PNLIPRP3: variants seen among roughly 807,000 people sequenced by gnomAD.
PNLIPRP3 encodes the protein pancreatic lipase-related protein 3.
In PNLIPRP3, 58 loss-of-function variants were observed where a neutral mutation model predicts 52.8. That is an observed-to-expected ratio of 1.10 (90% CI 0.89 to 1.37). The LOEUF (loss-of-function observed/expected upper bound fraction) is 1.37, where lower values mean the gene tolerates loss of function less well. Ranked by LOEUF, PNLIPRP3 falls within the 40% of genes most tolerant of loss-of-function variation. The pLI, the probability that PNLIPRP3 is intolerant of heterozygous loss-of-function variation, is 0.00. For synonymous variants in PNLIPRP3, 192 were observed against 185.0 expected (o/e 1.04, Z -0.31); for missense variants, 593 against 561.6 (o/e 1.06, Z -0.57).
At chr10:116,470,786 G>A (rs1846357384) in intron 9 of PNLIPRP3, among the ~76,000 whole-genome samples, 1 of 152,146 alleles carries the variant, frequency 6.6e-6, no homozygotes, top group South Asian at 2.1e-4. Flanking sequence ...GGGATTACAG[G>A]CGTGAGGCCC....
chr10:116,451,041 A>C (rs1314601280), intron 4 of PNLIPRP3, among the ~76,000 whole-genome samples: 1 of 152,158 alleles, frequency 6.6e-6, no homozygotes, highest in African/African-American at 2.4e-5. Flanking sequence ...TGATTTCAAA[A>C]TTTATTATGA....
intron 3 of PNLIPRP3, among the ~76,000 whole-genome samples, chr10:116,443,999 G>A (rs1427736375): frequency 6.6e-6 from 1 of 151,726 alleles, no homozygotes; most frequent in East Asian, 2.0e-4. Flanking sequence ...TTGACTCACA[G>A]TTCAGCATAG....
At chr10:116,433,324 TTTCTC>T (rs1252126054) in intron 1 of PNLIPRP3, among the ~76,000 whole-genome samples, 2 of 151,848 alleles carry the variant, frequency 1.3e-5, no homozygotes, top group African/African-American at 4.8e-5. Flanking sequence ...AGGAAGCAAA[TTTCTC>T]TACTCTTTGA....
At chr10:116,461,659 T>C (rs1265335418) in intron 7 of PNLIPRP3, among the ~76,000 whole-genome samples, 1 of 152,214 alleles carries the variant, frequency 6.6e-6, no homozygotes, top group African/African-American at 2.4e-5. Context: ...ATGGAGTTCA[T>C]TTTCTAACTT....
At chr10:116,461,315 G>T (rs1711762932) in intron 7 of PNLIPRP3, 25 bp downstream of exon 7, 2 of 1,603,278 alleles carry the variant, frequency 1.2e-6, no homozygotes, top group Non-Finnish European at 1.7e-6. Context: ...AACTATGAAT[G>T]CTACTGATGC....
At position 116,469,298 on chromosome 10, in the gene PNLIPRP3, G is replaced by T. The variant is rs770473649; in HGVS notation, c.1041G>T (p.Gly347=). 1 of 1,605,152 alleles carries T rather than the reference G, an allele frequency of 6.2e-7. No individual in the cohort carries two copies. The highest frequency in any genetic ancestry group is 1.1e-5 in the South Asian group (1 of 88,472). Reference sequence around the variant, plus strand: ...GATCACATTATTTTTTAAACACAGGGTCCCTTTCCCCATTTGCCCGTAAGT... The same window carrying T: ...GATCACATTATTTTTTAAACACAGGTTCCCTTTCCCCATTTGCCCGTAAGT... ...TNGSHYFLNT[G]SLSPFARWRH... Residue 347 remains glycine (G), a synonymous_variant, in exon 9 of 12, where the codon GGG becomes GGT. Transcript: ENST00000369230.
intron 9 of PNLIPRP3, 69 bp from the exon 10 acceptor site, chr10:116,471,699 C>A: frequency 1.7e-6 from 2 of 1,167,384 alleles, no homozygotes; most frequent in Non-Finnish European, 2.6e-6. Flanking sequence ...TTAAAGGATC[C>A]AGGAAGTCAT....
intron 7 of PNLIPRP3, among the ~76,000 whole-genome samples, chr10:116,465,539 A>AAAAAC (rs1055160066): frequency 2.0e-5 from 3 of 149,520 alleles, no homozygotes; most frequent in East Asian, 2.1e-4. Context: ...CATCTAAAAA[A>AAAAAC]AAAACAAAAC....
chr10:116,474,924 G>A (rs767635442), intron 10 of PNLIPRP3, among the ~76,000 whole-genome samples: 36 of 152,080 alleles, frequency 2.4e-4, no homozygotes, highest in Non-Finnish European at 4.7e-4. Context: ...CCCAGCAATC[G>A]CATTACTGAT....
intron 4 of PNLIPRP3, among the ~76,000 whole-genome samples, chr10:116,446,699 A>G (rs1845957883): frequency 6.6e-6 from 1 of 152,190 alleles, no homozygotes; most frequent in African/African-American, 2.4e-5. Flanking sequence ...AGTAACAGAC[A>G]AATTTTCTTT....
chr10:116,455,459 G>A (rs1400139177), intron 4 of PNLIPRP3, among the ~76,000 whole-genome samples: 1 of 152,138 alleles, frequency 6.6e-6, no homozygotes, highest in Non-Finnish European at 1.5e-5. Context: ...TGTTAGGGCT[G>A]TTCTCCTGTT....
At chr10:116,473,425 A>G (rs1445806844) in intron 10 of PNLIPRP3, among the ~76,000 whole-genome samples, 2 of 152,244 alleles carry the variant, frequency 1.3e-5, no homozygotes, top group African/African-American at 4.8e-5. Context: ...TTTTAATCCC[A>G]TCCATTTAAT....
chr10:116,471,671 C>A, intron 9 of PNLIPRP3, 97 bp from the exon 10 acceptor site: 7 of 962,756 alleles, frequency 7.3e-6, no homozygotes, highest in Non-Finnish European at 1.2e-5. Context: ...AAATACAACC[C>A]TGAAAATTTT....
At chr10:116,439,101 G>A (rs1845821159) in intron 2 of PNLIPRP3, among the ~76,000 whole-genome samples, 1 of 152,190 alleles carries the variant, frequency 6.6e-6, no homozygotes, top group South Asian at 2.1e-4. Flanking sequence ...GAGAAAGATG[G>A]TAGTGATAGC....
At chr10:116,456,490 T>C (rs1366632091) in intron 5 of PNLIPRP3, among the ~76,000 whole-genome samples, 1 of 152,184 alleles carries the variant, frequency 6.6e-6, no homozygotes, top group Non-Finnish European at 1.5e-5. Context: ...AAAAGTTATT[T>C]TTAAAAAGAA....
chr10:116,466,207 A>G (rs1380112187), intron 8 of PNLIPRP3, 39 bp downstream of exon 8: 1 of 1,448,614 alleles, frequency 6.9e-7, no homozygotes, highest in Non-Finnish European at 9.5e-7. Context: ...ATTATAAAGT[A>G]ATTTTTTGAA....
intron 4 of PNLIPRP3, among the ~76,000 whole-genome samples, chr10:116,451,842 C>CAA (rs34655853): frequency 1.8e-4 from 28 of 151,894 alleles, no homozygotes; most frequent in South Asian, 4.2e-4. Flanking sequence ...TGAACTAACA[C>CAA]AAAAAAAATT....
intron 1 of PNLIPRP3, among the ~76,000 whole-genome samples, chr10:116,430,704 A>G (rs1206943822): frequency 6.6e-6 from 1 of 152,154 alleles, no homozygotes; most frequent in Non-Finnish European, 1.5e-5. Flanking sequence ...TAATACATAT[A>G]TTTCTCCTAC....
intron 2 of PNLIPRP3, among the ~76,000 whole-genome samples, chr10:116,439,070 T>A (rs141913659): frequency 3.2e-4 from 48 of 152,236 alleles, no homozygotes; most frequent in African/African-American, 1.1e-3. Context: ...AGAATTTTAG[T>A]TTGGGGTGAA....
Sources: gnomAD v4.1 joint callset for allele counts (sites outside exome capture counted in the v4.1 genomes callset) on GRCh38, gnomAD v4.1.1 for gene constraint, MANE v1.5 for transcripts, NCBI Gene and HGNC (gene_info 2026-07-23, HGNC 2026-07-21) for gene names.